OR52N1: variants seen among roughly 807,000 people sequenced by gnomAD.
OR52N1 encodes olfactory receptor 52N1.
OR52N1 carries 11 observed loss-of-function variants against 13.9 expected under a neutral mutation model. That is an observed-to-expected ratio of 0.79 (90% CI 0.50 to 1.31). OR52N1 has a LOEUF of 1.31. Ranked by LOEUF, OR52N1 falls within the 40% of genes most tolerant of loss-of-function variation. OR52N1 has a pLI of 0.00. For missense variants in OR52N1, 414 were observed against 397.7 expected, an observed-to-expected ratio of 1.04 and a Z score of -0.35; for synonymous variants, 142 against 143.7, an observed-to-expected ratio of 0.99 and a Z score of 0.08.
Position 5,787,575 on chromosome 11 carries a change from T to A in OR52N1, c.*279A>T. 1 of 245,486 alleles carries A rather than the reference T, an allele frequency of 4.1e-6. No individual in the cohort carries two copies. The highest frequency in any genetic ancestry group is 7.7e-6 in the Non-Finnish European group (1 of 130,224). The allele number at this position is 245,486 out of a possible 1,614,324, so 15.2% of individuals were successfully genotyped here. A position where few individuals can be genotyped will look rare whatever the true frequency, so the allele number is the denominator to read the frequency against. Reference sequence around the variant, plus strand: ...AGTGATCCAACCACTGTGCTGCAAATTTGTGTAGACTGTCATTTAGGAGAG... The same window carrying A: ...AGTGATCCAACCACTGTGCTGCAAAATTGTGTAGACTGTCATTTAGGAGAG... On this transcript the variant is annotated 3_prime_UTR_variant, in exon 2 of 2. Transcript: ENST00000641645.
chr11:5,788,875 TAAAAA>T lies in OR52N1; in HGVS notation c.-44-20_-44-16del. The T allele has an allele frequency of 7.6e-7, 1 of 1,317,014 alleles. No homozygotes were observed. Among genetic ancestry groups the T allele is most frequent in the Non-Finnish European group, 1.0e-6 (1 of 1,000,948 alleles). The allele number at this position is 1,317,014 out of a possible 1,614,324, so 81.6% of individuals were successfully genotyped here. On this transcript the variant is annotated splice_polypyrimidine_tract_variant and intron_variant, in intron 1 of 1. Coordinates refer to ENST00000641645, the MANE Select transcript of OR52N1 (RefSeq NM_001001913.2). The stretch of plus-strand genomic sequence containing the variant: ...TAGCATTGCCTCTGTGAGCAGGAAA[TAAAAA>T]AAAGAGTAATTTCAAGGAGTGACTG...
rs745667028 is a variant in OR52N1 at position 5,788,069 on chromosome 11, T to A, written c.748A>T (p.Ile250Leu). 6.2e-7 allele frequency: 1 copy of A among 1,613,016 alleles called. No individual in the cohort carries two copies. The highest frequency in any genetic ancestry group is 1.1e-5 in the South Asian group (1 of 91,038). ...AAGGCTGGAACATAGGTGAGGACTATGGCACAGAAGTGGGCAGTGCAGGTG... is the reference window on the plus strand; with the variant it reads ...AAGGCTGGAACATAGGTGAGGACTAAGGCACAGAAGTGGGCAGTGCAGGTG... ...FSTCTAHFCA[I>L]VLTYVPAFFT... Residue 250 changes from isoleucine to leucine, a missense_variant, in exon 2 of 2, where the codon ATA becomes TTA. By Grantham distance (5) the Ile-to-Leu change is conservative (BLOSUM62 2). Coordinates refer to ENST00000641645, the MANE Select transcript of OR52N1 (RefSeq NM_001001913.2).
Position 5,788,611 on chromosome 11 carries a change from GA to G in OR52N1, c.205del (p.Ser69ProfsTer87), listed in dbSNP as rs760388282. 1 of 1,614,050 alleles carries G rather than the reference GA, an allele frequency of 6.2e-7. No homozygotes were observed. The highest frequency in any genetic ancestry group is 1.7e-5 in the Admixed American group (1 of 59,996). ...GGTGCACATGAGCACATCTGTGAAG[GA>G]AAGAAGGGCAAGGAAGACATACATA... The part of the protein sequence containing the change: ...RPMYVFLALL[S>X]FTDVLMCTST... On this transcript the variant is annotated frameshift_variant, in exon 2 of 2. Coordinates refer to ENST00000641645, the MANE Select transcript of OR52N1 (RefSeq NM_001001913.2). LOFTEE classifies it high-confidence loss of function.
At position 5,786,976 on chromosome 11, in the gene OR52N1, T is replaced by C. The variant is rs996318579; in HGVS notation, c.*878A>G. 5.0e-5 allele frequency: 7 copies of C among 139,710 alleles called. 1 individual carries two copies. Among genetic ancestry groups the C allele is most frequent in the African/African-American group, 1.6e-4 (6 of 38,072 alleles). 8.7% of individuals were successfully genotyped at this position (139,710 alleles called of 1,614,324 possible). On this transcript the variant is annotated 3_prime_UTR_variant, in exon 2 of 2. Coordinates refer to ENST00000641645, the MANE Select transcript of OR52N1 (RefSeq NM_001001913.2). The stretch of plus-strand genomic sequence containing the variant: ...GGTGAGAGTATGTGCTCAAGACATA[T>C]TATTTTAAATAAAAATGTTGAAGCA...
chr11:5,788,338 G>C lies in OR52N1; in HGVS notation c.479C>G (p.Pro160Arg). The change falls in exon 2 of 2, where the codon CCT becomes CGT. Residue 160 changes from proline to arginine, a missense_variant. By Grantham distance (103) the Pro-to-Arg change is moderately radical. Coordinates refer to ENST00000641645, the MANE Select transcript of OR52N1 (RefSeq NM_001001913.2). ...TFLRGVMLVI[P>R]STFLTKRLPY... ...AAGGCGCTTGGTGAGGAAAGTGGAA[G>C]GGATAACAAGCATCACACCCCTAAG... is the stretch of plus-strand genomic sequence containing the variant. 1 of 1,613,954 alleles carries C rather than the reference G, an allele frequency of 6.2e-7. No individual in the cohort carries two copies. Among genetic ancestry groups the C allele is most frequent in the South Asian group, 1.1e-5 (1 of 91,080 alleles).
At chr11:5,789,796 G>A (rs943226361) in intron 1 of OR52N1, among the ~76,000 whole-genome samples, 1 of 151,996 alleles carries the variant, frequency 6.6e-6, no homozygotes, top group Non-Finnish European at 1.5e-5. Flanking sequence ...TGTTCAATAC[G>A]TTTTTCAAGG....
Position 5,788,644 on chromosome 11 carries a change from T to G in OR52N1, c.173A>C (p.His58Pro), listed in dbSNP as rs1310522563. The G allele has an allele frequency of 1.2e-6, 2 of 1,613,920 alleles. No individual in the cohort carries two copies. The highest frequency in any genetic ancestry group is 2.7e-5 in the African/African-American group (2 of 74,904). The change falls in exon 2 of 2, where the codon CAC becomes CCC. Residue 58 changes from histidine (H) to proline (P), a missense_variant. Physicochemically the swap from His to Pro is moderately conservative, Grantham distance 77 (BLOSUM62 -2). Transcript: ENST00000641645. ...MYLIYCDEAL[H>P]RPMYVFLALL... ...GGCAAGGAAGACATACATAGGTCTGTGTAAGGCCTCATCACAGTAGATGAG... is the reference window on the plus strand; with the variant it reads ...GGCAAGGAAGACATACATAGGTCTGGGTAAGGCCTCATCACAGTAGATGAG...
chr11:5,789,400 T>C (rs1335790379), intron 1 of OR52N1, among the ~76,000 whole-genome samples: 2 of 152,124 alleles, frequency 1.3e-5, no homozygotes, highest in Admixed American at 6.6e-5. Context: ...AGCGAAATCA[T>C]AGAATGATCT....
intron 1 of OR52N1, among the ~76,000 whole-genome samples, chr11:5,790,558 C>T (rs189129105): frequency 6.6e-6 from 1 of 152,126 alleles, no homozygotes; most frequent in East Asian, 1.9e-4. Context: ...GTCTGCTGCA[C>T]CATTTTAAAA....
rs1387330959 is a variant in OR52N1 at position 5,787,988 on chromosome 11, T to C, written c.829A>G (p.Ile277Val). The C allele has an allele frequency of 1.3e-6, 2 of 1,541,990 alleles. No individual in the cohort carries two copies. Among genetic ancestry groups the C allele is most frequent in the Admixed American group, 3.5e-5 (2 of 57,278 alleles). ...AGTAGGTAGAGATTAGCCATAATAA[T>C]ATGTATGTGTAGAGGAATGGTGTGT... Reference protein sequence around the residue: ...GGHTIPLHIHIIMANLYLLMP... With the variant: ...GGHTIPLHIHVIMANLYLLMP... The change falls in exon 2 of 2, where the codon ATT becomes GTT. Residue 277 changes from isoleucine to valine, a missense_variant. By Grantham distance (29) the Ile-to-Val change is conservative. Coordinates refer to ENST00000641645, the MANE Select transcript of OR52N1 (RefSeq NM_001001913.2).
At chr11:5,788,882 AAG>A in intron 1 of OR52N1, 22 bp from the exon 2 acceptor site, 2 of 1,491,186 alleles carry the variant, frequency 1.3e-6, no homozygotes, top group Non-Finnish European at 1.8e-6. Context: ...AAATAAAAAA[AAG>A]AGTAATTTCA....
Position 5,787,954 on chromosome 11 carries a change from G to A in OR52N1, c.863C>T (p.Pro288Leu), listed in dbSNP as rs764286272. ...CCCATACACAATAGGGTTCATTGTG[G>A]GAGGCATTAGTAGGTAGAGATTAGC... Reference protein sequence around the residue: ...IMANLYLLMPPTMNPIVYGVK... With the variant: ...IMANLYLLMPLTMNPIVYGVK... Residue 288 changes from proline (P) to leucine (L), a missense_variant, in exon 2 of 2, where the codon CCC (proline) becomes CTC (leucine). Pro to Leu is a moderately conservative substitution (Grantham distance 98). Coordinates refer to ENST00000641645, the MANE Select transcript of OR52N1 (RefSeq NM_001001913.2). 1.3e-5 allele frequency: 19 copies of A among 1,424,246 alleles called. 2 individuals are homozygous for A. The highest frequency in any genetic ancestry group is 1.9e-6 in the Non-Finnish European group (2 of 1,062,228). 88.2% of individuals were successfully genotyped at this position (1,424,246 alleles called of 1,614,324 possible). A position where few individuals can be genotyped will look rare whatever the true frequency, so the allele number is the denominator to read the frequency against.
Position 5,788,736 on chromosome 11 carries a change from C to T in OR52N1, c.81G>A (p.Leu27=), listed in dbSNP as rs1255184656. 11 of 1,612,988 alleles carry T rather than the reference C, an allele frequency of 6.8e-6. No homozygotes were observed. The highest frequency in any genetic ancestry group is 2.2e-5 in the South Asian group (2 of 91,070). The change falls in exon 2 of 2, where the codon TTG becomes TTA. Residue 27 remains leucine, a synonymous_variant. Coordinates refer to ENST00000641645, the MANE Select transcript of OR52N1 (RefSeq NM_001001913.2). ...TGGTACACAGTGGGAAGGAGATCCA[C>T]AAATGCACATCTTCCAAACCAGGGA... The part of the protein sequence containing the change: ...NGIPGLEDVH[L]WISFPLCTMY...
intron 1 of OR52N1, among the ~76,000 whole-genome samples, chr11:5,790,886 T>C (rs1425181128): frequency 6.6e-6 from 1 of 152,114 alleles, no homozygotes; most frequent in Non-Finnish European, 1.5e-5. Context: ...TCCTGTAGGC[T>C]GTCTGTTTAC....
rs1294636266 is a variant in OR52N1, at chr11:5,786,900, T to G, written c.*954A>C. On this transcript the variant is annotated 3_prime_UTR_variant, in exon 2 of 2. Transcript: ENST00000641645. Reference sequence around the variant, plus strand: ...AAGAAAGTATATATACTTTGTAAACTATAGACAGTTTTCATAGGAAGCAAG... The same window carrying G: ...AAGAAAGTATATATACTTTGTAAACGATAGACAGTTTTCATAGGAAGCAAG... 2 of 140,548 alleles carry G rather than the reference T, an allele frequency of 1.4e-5. No individual in the cohort carries two copies. Among genetic ancestry groups the G allele is most frequent in the East Asian group, 4.1e-4 (2 of 4,858 alleles). The allele number at this position is 140,548 out of a possible 1,614,324, so 8.7% of individuals were successfully genotyped here. A position where few individuals can be genotyped will look rare whatever the true frequency, so the allele number is the denominator to read the frequency against.
rs772027543 is a variant in OR52N1 at position 5,787,938 on chromosome 11, A to G, written c.879T>C (p.Ile293=). 27 of 1,518,670 alleles carry G rather than the reference A, an allele frequency of 1.8e-5. 3 individuals carry two copies. The highest frequency in any genetic ancestry group is 2.4e-5 in the Non-Finnish European group (27 of 1,112,216). The allele number at this position is 1,518,670 out of a possible 1,614,324, so 94.1% of individuals were successfully genotyped here. A position where few individuals can be genotyped will look rare whatever the true frequency, so the allele number is the denominator to read the frequency against. ...CCTGCCTGGTTTTCACCCCATACAC[A>G]ATAGGGTTCATTGTGGGAGGCATTA... ...YLLMPPTMNP[I]VYGVKTRQVR... The change falls in exon 2 of 2, where the codon ATT becomes ATC. Residue 293 remains isoleucine (I), a synonymous_variant. Coordinates refer to ENST00000641645, the MANE Select transcript of OR52N1 (RefSeq NM_001001913.2).
At chr11:5,790,424 A>G (rs1452253694) in intron 1 of OR52N1, among the ~76,000 whole-genome samples, 1 of 152,124 alleles carries the variant, frequency 6.6e-6, no homozygotes, top group East Asian at 1.9e-4. Context: ...CTTTTCTCTC[A>G]GAAATGCTGC....
chr11:5,787,842 T>C lies in OR52N1; in HGVS notation c.*12A>G. ...CAACCTGGCTAAGAAAATTCTAACA[T>C]CTCAGAAGACTTTAAAAGTTATGAG... is the stretch of plus-strand genomic sequence containing the variant. On this transcript the variant is annotated 3_prime_UTR_variant, in exon 2 of 2. Coordinates refer to ENST00000641645, the MANE Select transcript of OR52N1 (RefSeq NM_001001913.2). The C allele has an allele frequency of 6.8e-7, 1 of 1,467,328 alleles. No homozygotes were observed. Among genetic ancestry groups the C allele is most frequent in the Non-Finnish European group, 9.2e-7 (1 of 1,090,578 alleles). The allele number at this position is 1,467,328 out of a possible 1,614,324, so 90.9% of individuals were successfully genotyped here. A position where few individuals can be genotyped will look rare whatever the true frequency, so the allele number is the denominator to read the frequency against.
Position 5,787,812 on chromosome 11 carries a change from G to C in OR52N1, c.*42C>G. On this transcript the variant is annotated 3_prime_UTR_variant, in exon 2 of 2. Coordinates refer to ENST00000641645, the MANE Select transcript of OR52N1 (RefSeq NM_001001913.2). Reference sequence around the variant, plus strand: ...TTAAAGAGCTCCCTATTGACTTGGTGATCTCAACCTGGCTAAGAAAATTCT... The same window carrying C: ...TTAAAGAGCTCCCTATTGACTTGGTCATCTCAACCTGGCTAAGAAAATTCT... 2 of 1,413,248 alleles carry C rather than the reference G, an allele frequency of 1.4e-6. 1 individual carries two copies. Among genetic ancestry groups the C allele is most frequent in the Non-Finnish European group, 1.9e-6 (2 of 1,054,384 alleles). 87.5% of individuals were successfully genotyped at this position (1,413,248 alleles called of 1,614,324 possible).
Sources: allele counts gnomAD v4.1 joint callset (sites outside exome capture counted in the v4.1 genomes callset), GRCh38; gene constraint gnomAD v4.1.1; transcripts MANE v1.5; gene names NCBI Gene and HGNC (gene_info 2026-07-23, HGNC 2026-07-21).